The following TGM4 variants were observed in gnomAD, a reference collection of about 807,000 sequenced individuals.
TGM4 encodes the protein protein-glutamine gamma-glutamyltransferase 4.
In TGM4, 61 loss-of-function variants were observed where a neutral mutation model predicts 76.3. The observed-to-expected ratio is 0.80, with a 90% CI of 0.65 to 0.99. The LOEUF (loss-of-function observed/expected upper bound fraction) is 0.99, where lower values mean the gene tolerates loss of function less well. Ranked by LOEUF, TGM4 falls within the 50% of genes least tolerant of loss-of-function variation. The pLI, the probability that TGM4 is intolerant of heterozygous loss-of-function variation, is 0.00. For missense variants in TGM4, 794 were observed against 843.2 expected (o/e 0.94, Z 0.72); for synonymous variants, 337 against 329.8 (o/e 1.02, Z -0.24).
intron 5 of TGM4, among the ~76,000 whole-genome samples, chr3:44,895,018 G>A (rs1316614418): frequency 6.6e-6 from 1 of 152,148 alleles, no homozygotes; most frequent in African/African-American, 2.4e-5. Flanking sequence ...GGGGTGGGCC[G>A]GGCACGGTGG....
chr3:44,880,515 T>A (rs1227210488), intron 1 of TGM4, among the ~76,000 whole-genome samples: 1 of 152,054 alleles, frequency 6.6e-6, no homozygotes, highest in Admixed American at 6.6e-5. Flanking sequence ...CAGGTGGCAG[T>A]AGACTCAGGC....
In TGM4 at chr3:44,910,366, A is replaced by C; in HGVS notation, c.1604A>C (p.Gln535Pro). ...DLNKTSQIQG[Q>P]VSEVTLTLDS... Reference sequence around the variant, plus strand: ...AATAAGACCTCGCAGATCCAAGGTCAAGGTACCAGAACCAGAGGGAGGAGA... The same window carrying C: ...AATAAGACCTCGCAGATCCAAGGTCCAGGTACCAGAACCAGAGGGAGGAGA... The change falls in exon 11 of 14, where the codon CAA (glutamine) becomes CCA (proline). Residue 535 changes from glutamine to proline, a missense_variant and splice_region_variant. Physicochemically the swap from Gln to Pro is moderately conservative, Grantham distance 76. Coordinates refer to ENST00000296125, the MANE Select transcript of TGM4 (RefSeq NM_003241.4). The C allele has an allele frequency of 6.2e-7, 1 of 1,613,134 alleles. No homozygotes were observed. The highest frequency in any genetic ancestry group is 8.5e-7 in the Non-Finnish European group (1 of 1,179,194).
chr3:44,902,150 T>G (rs1181648916), intron 8 of TGM4, among the ~76,000 whole-genome samples: 1 of 152,130 alleles, frequency 6.6e-6, no homozygotes, highest in Non-Finnish European at 1.5e-5. Context: ...CTCCAGGCCC[T>G]CCCAACCCAG....
chr3:44,913,785 C>T lies in TGM4; in HGVS notation c.*60C>T, dbSNP rs1700042576. 1 of 1,567,244 alleles carries T rather than the reference C, an allele frequency of 6.4e-7. No homozygotes were observed. The highest frequency in any genetic ancestry group is 1.9e-5 in the Admixed American group (1 of 52,174). On this transcript the variant is annotated 3_prime_UTR_variant, in exon 14 of 14. Coordinates refer to ENST00000296125, the MANE Select transcript of TGM4 (RefSeq NM_003241.4). Reference sequence around the variant, plus strand: ...TCAGCATTTCCTACCTTGTGCTTAGCTTTCAGATTATGGATGATTAAATTT... The same window carrying T: ...TCAGCATTTCCTACCTTGTGCTTAGTTTTCAGATTATGGATGATTAAATTT...
chr3:44,904,885 T>C (rs1234993414), intron 9 of TGM4, among the ~76,000 whole-genome samples: 1 of 151,992 alleles, frequency 6.6e-6, no homozygotes, highest in Non-Finnish European at 1.5e-5. Context: ...CTTTGCCATA[T>C]TGGTCAGGCT....
intron 13 of TGM4, among the ~76,000 whole-genome samples, chr3:44,911,829 T>C (rs752192387): frequency 3.4e-4 from 52 of 152,196 alleles, no homozygotes; most frequent in Non-Finnish European, 6.3e-4. Context: ...TTTTTAAATT[T>C]GATTCTTATT....
intron 6 of TGM4, among the ~76,000 whole-genome samples, chr3:44,897,821 G>A (rs915121414): frequency 7.9e-5 from 12 of 152,100 alleles, no homozygotes; most frequent in Admixed American, 3.3e-4. Context: ...TATGTTTTTC[G>A]AAGCATAAAA....
At chr3:44,885,569 C>G in intron 2 of TGM4, 71 bp downstream of exon 2, 1 of 1,524,880 alleles carries the variant, frequency 6.6e-7, no homozygotes. Context: ...CTGGAGTGGC[C>G]CTTTCTGGTC....
Position 44,901,547 on chromosome 3 carries a change from C to G in TGM4, c.681C>G (p.Gly227=). ...AGATGAGCTTTGAGAAAGGCCAGGG[C>G]GTGCTCATTGGGAATTGGACTGGGG... ...CAMMSFEKGQ[G]VLIGNWTGDY... The change falls in exon 7 of 14, where the codon GGC becomes GGG. Residue 227 remains glycine, a synonymous_variant. Coordinates refer to ENST00000296125, the MANE Select transcript of TGM4 (RefSeq NM_003241.4). 1 of 1,612,226 alleles carries G rather than the reference C, an allele frequency of 6.2e-7. No individual in the cohort carries two copies. Among genetic ancestry groups the G allele is most frequent in the Admixed American group, 1.7e-5 (1 of 59,888 alleles).
rs371524962 is a variant in TGM4 at position 44,901,155 on chromosome 3, ACCTGAGC to A, written c.658-366_658-360del. Among the ~76,000 whole-genome samples, 83 of 152,258 alleles carry A rather than the reference ACCTGAGC, an allele frequency of 5.5e-4. 1 individual carries two copies. The highest frequency in any genetic ancestry group is 1.8e-3 in the African/African-American group (76 of 41,546). On this transcript the variant is annotated intron_variant, in intron 6 of 13. Transcript: ENST00000296125. ...CCTGGGTGGCTGAGGTGGGAGGATC[ACCTGAGC>A]CCAGGAAGTTGAGGCTGCAGTGAGC...
chr3:44,892,283 A>T (rs201163487), intron 4 of TGM4, among the ~76,000 whole-genome samples: 13,277 of 150,948 alleles, frequency 0.088, 672 homozygotes, highest in South Asian at 0.17. Flanking sequence ...AATAAATAAA[A>T]ATAAATAATT....
At chr3:44,888,194 A>G (rs1055639360) in intron 3 of TGM4, 2 of 193,474 alleles carry the variant, frequency 1.0e-5, no homozygotes, top group Non-Finnish European at 2.1e-5. Flanking sequence ...ACTTGACAAG[A>G]CCTAATGGAT....
chr3:44,911,172 T>C, intron 12 of TGM4, 45 bp downstream of exon 12: 1 of 1,611,022 alleles, frequency 6.2e-7, no homozygotes, highest in Non-Finnish European at 8.5e-7. Context: ...GCCTGGAAGT[T>C]GGCCATGGAG....
At chr3:44,895,629 C>CA (rs1559614986) in intron 5 of TGM4, among the ~76,000 whole-genome samples, 1 of 151,278 alleles carries the variant, frequency 6.6e-6, no homozygotes, top group African/African-American at 2.4e-5. Context: ...TACCCTCTCT[C>CA]AAAAAAATAA....
chr3:44,906,809 G>A, intron 9 of TGM4, 140 bp from the exon 10 acceptor site: 1 of 1,057,392 alleles, frequency 9.5e-7, no homozygotes, highest in African/African-American at 1.6e-5. Context: ...GGATGGCCTA[G>A]GAAATGAGTA....
At position 44,910,318 on chromosome 3, in the gene TGM4, A is replaced by G. The variant is rs1344317668; in HGVS notation, c.1556A>G (p.Lys519Arg). The change falls in exon 11 of 14, where the codon AAG becomes AGG. Residue 519 changes from lysine (K) to arginine (R), a missense_variant. Physicochemically the swap from Lys to Arg is conservative, Grantham distance 26. Transcript: ENST00000296125. ...GAACTACAGTTGTACACTGGCAAGA[A>G]GATGGCAAAACTGTGTGACCTCAAT... Reference protein sequence around the residue: ...SFELQLYTGKKMAKLCDLNKT... With the variant: ...SFELQLYTGKRMAKLCDLNKT... 1 of 1,614,096 alleles carries G rather than the reference A, an allele frequency of 6.2e-7. No individual in the cohort carries two copies. The highest frequency in any genetic ancestry group is 1.3e-5 in the African/African-American group (1 of 74,940).
intron 3 of TGM4, chr3:44,888,602 G>T: frequency 6.6e-6 from 1 of 152,280 alleles, no homozygotes. Context: ...TCTCTCCTGA[G>T]GTGGGCATGG....
chr3:44,911,680 ACTCT>A (rs1445180821), intron 13 of TGM4, among the ~76,000 whole-genome samples: 1 of 150,954 alleles, frequency 6.6e-6, no homozygotes, highest in African/African-American at 2.4e-5. Flanking sequence ...ACATTAATTG[ACTCT>A]CTCCTGTGAA....
intron 6 of TGM4, among the ~76,000 whole-genome samples, chr3:44,898,834 C>T (rs4682755): frequency 0.094 from 14,277 of 152,190 alleles, 698 homozygotes; most frequent in Middle Eastern, 0.13. Context: ...AGGAGTCCAC[C>T]ATGCCTGCTC....
Sources: allele counts gnomAD v4.1 joint callset (sites outside exome capture counted in the v4.1 genomes callset), GRCh38; gene constraint gnomAD v4.1.1; transcripts MANE v1.5; gene names NCBI Gene and HGNC (gene_info 2026-07-23, HGNC 2026-07-21).